Variants in RCC1L observed in about 807,000 individuals in gnomAD.
RCC1L encodes RCC1 like, also known as RCC1-like G exchanging factor-like protein.
A neutral mutation model predicts 58.6 loss-of-function variants in RCC1L; 46 were observed. That is an observed-to-expected ratio of 0.79 (90% CI 0.62 to 1.00). The LOEUF is 1.00. Ranked by LOEUF, RCC1L falls within the 50% of genes least tolerant of loss-of-function variation. The pLI is 0.00. For missense variants in RCC1L, 636 were observed against 623.6 expected (o/e 1.02, Z -0.21); for synonymous variants, 281 against 262.9 (o/e 1.07, Z -0.67).
At chr7:75,030,761 C>T (rs969030671) in intron 10 of RCC1L, among the ~76,000 whole-genome samples, 22 of 152,282 alleles carry the variant, frequency 1.4e-4, no homozygotes, top group African/African-American at 5.1e-4. Flanking sequence ...CACGCCGTTG[C>T]CTCCACCATG....
intron 9 of RCC1L, chr7:75,055,565 T>C (rs1225942664): frequency 4.0e-5 from 15 of 372,866 alleles, no homozygotes; most frequent in Non-Finnish European, 6.2e-5. Context: ...CACCCACCCA[T>C]GGATCCGCCA....
At position 75,073,761 on chromosome 7, in the gene RCC1L, C is replaced by T. The variant is rs587762246; in HGVS notation, c.-24G>A. The T allele has an allele frequency of 2.7e-6, 4 of 1,495,520 alleles. No individual in the cohort carries two copies. The highest frequency in any genetic ancestry group is 5.1e-5 in the East Asian group (2 of 39,380). The allele number at this position is 1,495,520 out of a possible 1,614,324, so 92.6% of individuals were successfully genotyped here. On this transcript the variant is annotated 5_prime_UTR_variant, in exon 1 of 11. Coordinates refer to ENST00000610322, the MANE Select transcript of RCC1L (RefSeq NM_030798.5). ...ATCCTCCGTTCCGCGCCTCAGCAGCCTCTGGGCGCCGCCATCTTGCGTGAC... is the reference window on the plus strand; with the variant it reads ...ATCCTCCGTTCCGCGCCTCAGCAGCTTCTGGGCGCCGCCATCTTGCGTGAC...
At chr7:75,065,230 G>A (rs1286821103) in intron 3 of RCC1L, among the ~76,000 whole-genome samples, 1 of 151,320 alleles carries the variant, frequency 6.6e-6, no homozygotes, top group African/African-American at 2.4e-5. Flanking sequence ...TGCCACCTCC[G>A]CCTTCTCCTA....
exon 11 of RCC1L, chr7:75,027,919 A>G: frequency 8.5e-7 from 1 of 1,170,180 alleles, no homozygotes; most frequent in Non-Finnish European, 1.2e-6. Context: ...GCTGGGTGGG[A>G]GGGTCTCTCC....
At chr7:75,072,179 T>TATATATATATATAC (rs1468203886) in intron 1 of RCC1L, among the ~76,000 whole-genome samples, 3 of 97,222 alleles carry the variant, frequency 3.1e-5, no homozygotes, top group African/African-American at 1.1e-4. Context: ...TATATATATA[T>TATATATATATATAC]ATATATATAT....
intron 10 of RCC1L, among the ~76,000 whole-genome samples, chr7:75,035,235 T>C (rs1805410842): frequency 1.3e-5 from 2 of 152,126 alleles, no homozygotes; most frequent in Non-Finnish European, 2.9e-5. Flanking sequence ...TTTGCCATAT[T>C]GGCCAGGCTG....
intron 6 of RCC1L, among the ~76,000 whole-genome samples, chr7:75,060,998 T>C (rs1806259087): frequency 6.6e-6 from 1 of 152,116 alleles, no homozygotes; most frequent in Non-Finnish European, 1.5e-5. Flanking sequence ...CACCTGAGCC[T>C]GGGAGTTTGA....
At chr7:75,039,657 A>G (rs976951531), downstream of RCC1L, among the ~76,000 whole-genome samples, 10 of 152,094 alleles carry the variant, frequency 6.6e-5, no homozygotes, top group Non-Finnish European at 1.5e-4. Flanking sequence ...GACAACCTGG[A>G]CACGCTACGT....
chr7:75,030,896 AT>A (rs1329721746), intron 10 of RCC1L, among the ~76,000 whole-genome samples: 1 of 152,064 alleles, frequency 6.6e-6, no homozygotes, highest in African/African-American at 2.4e-5. Context: ...GCACTCCCTC[AT>A]CTACTGGGGC....
intron 10 of RCC1L, among the ~76,000 whole-genome samples, chr7:75,049,096 A>G (rs1805830228): frequency 6.6e-6 from 1 of 152,228 alleles, no homozygotes; most frequent in South Asian, 2.1e-4. Context: ...AGTTGGTACC[A>G]GTGTATGAGC....
At chr7:75,036,497 C>T (rs1805433340) in intron 10 of RCC1L, among the ~76,000 whole-genome samples, 1 of 152,114 alleles carries the variant, frequency 6.6e-6, no homozygotes, top group African/African-American at 2.4e-5. Flanking sequence ...AGACACACAC[C>T]CTTGAAAGCA....
exon 11 of RCC1L, chr7:75,027,976 C>G: frequency 6.6e-7 from 1 of 1,514,200 alleles, no homozygotes; most frequent in East Asian, 2.5e-5. Context: ...CAGAGGGGCT[C>G]CATCCGCAGT....
At chr7:75,063,443 G>T in intron 4 of RCC1L, 100 bp from the exon 5 acceptor site, 1 of 1,205,262 alleles carries the variant, frequency 8.3e-7, no homozygotes, top group Non-Finnish European at 1.2e-6. Context: ...CGTCCCCTCC[G>T]CTCACACAGT....
In RCC1L at chr7:75,058,768, A is replaced by G. The variant is rs1294651742; in HGVS notation, c.789T>C (p.Gly263=). ...AGCTGGTGATATTGTAGTGACCCAG[A>G]CCTAACACAGTGGAAAATACAGATT... ...SCGWGADGQT[G]LGHYNITSSP... Residue 263 remains glycine (G), a splice_region_variant and synonymous_variant, in exon 7 of 11, where the codon GGT becomes GGC. Coordinates refer to ENST00000610322, the MANE Select transcript of RCC1L (RefSeq NM_030798.5). The G allele has an allele frequency of 2.5e-6, 4 of 1,613,872 alleles. No homozygotes were observed. The African/African-American group carries it at 5.3e-5, about 22-fold the overall frequency.
intron 7 of RCC1L, chr7:75,058,287 A>C (rs1416648282): frequency 1.3e-5 from 5 of 372,048 alleles, no homozygotes; most frequent in Non-Finnish European, 2.6e-5. Context: ...CCCAGGCTGG[A>C]ATGTGGTGGC....
chr7:75,027,710 G>GA, exon 11 of RCC1L: 1 of 390,472 alleles, frequency 2.6e-6, no homozygotes, highest in Non-Finnish European at 4.8e-6. Context: ...GCCCCCTGGG[G>GA]ACCCTGCTCC....
At chr7:75,027,375 T>TG (rs1179444424) in exon 11 of RCC1L, 1 of 152,900 alleles carries the variant, frequency 6.5e-6, no homozygotes, top group Non-Finnish European at 1.5e-5. Context: ...TGGAATTTCT[T>TG]GCTTTTAACC....
intron 10 of RCC1L, among the ~76,000 whole-genome samples, chr7:75,033,237 G>T (rs1254311972): frequency 1.3e-5 from 2 of 152,140 alleles, no homozygotes; most frequent in African/African-American, 4.8e-5. Flanking sequence ...GGGATGCAGT[G>T]CTAGGATGGA....
At chr7:75,053,670 C>T (rs902915374) in intron 9 of RCC1L, among the ~76,000 whole-genome samples, 2 of 152,182 alleles carry the variant, frequency 1.3e-5, no homozygotes, top group Admixed American at 6.5e-5. Context: ...TCTCCTAGCC[C>T]GGCCTTCAGG....
Sources: allele counts gnomAD v4.1 joint callset (sites outside exome capture counted in the v4.1 genomes callset), GRCh38; gene constraint gnomAD v4.1.1; transcripts MANE v1.5; gene names NCBI Gene and HGNC (gene_info 2026-07-23, HGNC 2026-07-21).